Variants in CFAP221 observed in about 807,000 individuals in gnomAD.
CFAP221 encodes cilia and flagella associated protein 221.
Under a neutral mutation model 113.1 loss-of-function variants are expected in CFAP221, and 97 were observed. That is an observed-to-expected ratio of 0.86 (90% CI 0.73 to 1.02). The LOEUF is 1.02. Among genes scored for constraint, CFAP221 ranks in the 50% least tolerant of loss-of-function variants. CFAP221 has a pLI of 0.00. For synonymous variants in CFAP221, 331 were observed against 354.4 expected (o/e 0.93, Z 0.74); for missense variants, 1,025 against 1,013.4 (o/e 1.01, Z -0.16).
intron 20 of CFAP221, among the ~76,000 whole-genome samples, chr2:119,639,304 G>T (rs1325801670): frequency 6.6e-6 from 1 of 152,160 alleles, no homozygotes; most frequent in Non-Finnish European, 1.5e-5. Context: ...CTCGTGACCT[G>T]CCTGGCTCTC....
At chr2:119,656,800 G>A (rs1306162993), downstream of CFAP221, 1 of 188,348 alleles carries the variant, frequency 5.3e-6, no homozygotes, top group Non-Finnish European at 1.1e-5. Flanking sequence ...ACTGGTTTTG[G>A]GGAGGGGATG....
At chr2:119,580,739 G>A (rs183427005) in intron 6 of CFAP221, 2 of 152,304 alleles carry the variant, frequency 1.3e-5, no homozygotes, top group East Asian at 3.8e-4. Flanking sequence ...ATGCTGAGTG[G>A]GTTGCAGGGT....
chr2:119,563,110 C>T (rs1205980415), intron 6 of CFAP221, among the ~76,000 whole-genome samples: 1 of 152,158 alleles, frequency 6.6e-6, no homozygotes, highest in Non-Finnish European at 1.5e-5. Flanking sequence ...GCTGTGATCA[C>T]ACCACTACAC....
chr2:119,568,365 C>T (rs1231932816), intron 6 of CFAP221, among the ~76,000 whole-genome samples: 3 of 151,960 alleles, frequency 2.0e-5, no homozygotes, highest in Non-Finnish European at 4.4e-5. Flanking sequence ...GATACATGTG[C>T]AGGATGTGCA....
chr2:119,597,028 G>GT (rs1558945674), intron 7 of CFAP221, among the ~76,000 whole-genome samples: 3 of 152,186 alleles, frequency 2.0e-5, no homozygotes, highest in Non-Finnish European at 2.9e-5. Flanking sequence ...CGGGTCAAGT[G>GT]TAAGTTTTTC....
chr2:119,583,675 C>T (rs1683003119), intron 6 of CFAP221, among the ~76,000 whole-genome samples: 1 of 152,110 alleles, frequency 6.6e-6, no homozygotes, highest in Non-Finnish European at 1.5e-5. Flanking sequence ...ATGTTTGTTT[C>T]CCCCTCAAAA....
intron 13 of CFAP221, among the ~76,000 whole-genome samples, chr2:119,613,235 G>C (rs1851323): frequency 0.99 from 150,298 of 152,348 alleles, 74,187 homozygotes; most frequent in Non-Finnish European, 1. Context: ...GTGTCTGTGG[G>C]TTTTCCAGGT....
chr2:119,619,620 C>T (rs1271113572), intron 14 of CFAP221, among the ~76,000 whole-genome samples: 1 of 152,140 alleles, frequency 6.6e-6, no homozygotes, highest in African/African-American at 2.4e-5. Flanking sequence ...GATAAATCCA[C>T]GAAGATGAGG....
rs186651282 is a variant in CFAP221, at chr2:119,620,288, A to G, written c.1410+4579A>G. ...AAGAGCAACCCCAAGACACATAATC[A>G]TCAGATTCACCAAGGTTGAAATGAA... On this transcript the variant is annotated intron_variant, in intron 14 of 23. Coordinates refer to ENST00000413369, the MANE Select transcript of CFAP221 (RefSeq NM_001271049.2). 7.4e-4 allele frequency among the ~76,000 whole-genome samples: 113 copies of G among 152,272 alleles called. 2 individuals carry two copies. Among genetic ancestry groups the G allele is most frequent in the African/African-American group, 2.6e-3 (106 of 41,562 alleles).
chr2:119,628,935 A>T (rs1686565450), intron 16 of CFAP221, among the ~76,000 whole-genome samples: 1 of 152,200 alleles, frequency 6.6e-6, no homozygotes, highest in Non-Finnish European at 1.5e-5. Flanking sequence ...TTTTTGAATA[A>T]TTTGAAGCTG....
At chr2:119,558,131 C>T (rs1046327504) in intron 3 of CFAP221, among the ~76,000 whole-genome samples, 1 of 152,166 alleles carries the variant, frequency 6.6e-6, no homozygotes, top group African/African-American at 2.4e-5. Context: ...ACTTCCAGCT[C>T]TTCCTGGACT....
intron 15 of CFAP221, among the ~76,000 whole-genome samples, chr2:119,626,531 A>G (rs942748225): frequency 1.3e-5 from 2 of 152,086 alleles, no homozygotes; most frequent in Non-Finnish European, 2.9e-5. Flanking sequence ...TAGGGTAGTC[A>G]TCATTTATAC....
intron 14 of CFAP221, among the ~76,000 whole-genome samples, chr2:119,622,967 GA>G (rs1686044896): frequency 6.6e-6 from 1 of 152,198 alleles, no homozygotes; most frequent in Non-Finnish European, 1.5e-5. Flanking sequence ...ACAAGACAAG[GA>G]TGCCCTCTCT....
chr2:119,592,338 A>G (rs1162947635), intron 7 of CFAP221, among the ~76,000 whole-genome samples: 2 of 152,218 alleles, frequency 1.3e-5, no homozygotes, highest in Non-Finnish European at 2.9e-5. Context: ...AAAAGAGATA[A>G]TGAAGGCATT....
intron 19 of CFAP221, among the ~76,000 whole-genome samples, chr2:119,631,452 C>A (rs563920814): frequency 1.3e-5 from 2 of 152,168 alleles, no homozygotes; most frequent in Non-Finnish European, 1.5e-5. Context: ...GCCGGCAGAT[C>A]ATTTGAGGTC....
chr2:119,575,277 G>A (rs1352909827), intron 6 of CFAP221, among the ~76,000 whole-genome samples: 5 of 152,018 alleles, frequency 3.3e-5, no homozygotes, highest in East Asian at 1.9e-4. Context: ...TCCTCCCCTC[G>A]ACCATGGCTT....
chr2:119,651,991 A>G lies in CFAP221; in HGVS notation c.2336A>G (p.Asn779Ser), dbSNP rs780565262. Residue 779 changes from asparagine to serine, a missense_variant, in exon 23 of 24, where the codon AAT becomes AGT. By Grantham distance (46) the Asn-to-Ser change is conservative (BLOSUM62 1). Transcript: ENST00000413369. ...ETVERELCEQ[N>S]VEVMLTPEMI... The stretch of plus-strand genomic sequence containing the variant: ...CTTTGCAGTGAGCTCTGTGAGCAGA[A>G]TGTAGAAGTTATGTTGACTCCAGAA... 4.3e-6 allele frequency: 7 copies of G among 1,612,956 alleles called. No individual in the cohort carries two copies. The highest frequency in any genetic ancestry group is 3.3e-5 in the Admixed American group (2 of 59,842).
chr2:119,628,294 G>GTGTGTGTGT (rs371675389), intron 16 of CFAP221, among the ~76,000 whole-genome samples: 23,654 of 137,342 alleles, frequency 0.17, 2,626 homozygotes, highest in East Asian at 0.22. Flanking sequence ...CTCTCTGGGG[G>GTGTGTGTGT]GTGTGTGTGT....
At chr2:119,578,837 AT>A (rs1230620401) in intron 6 of CFAP221, among the ~76,000 whole-genome samples, 3 of 152,166 alleles carry the variant, frequency 2.0e-5, no homozygotes, top group Non-Finnish European at 4.4e-5. Flanking sequence ...GATATCGGGA[AT>A]TTTTAGTTAG....
Sources: gnomAD v4.1 joint callset for allele counts (sites outside exome capture counted in the v4.1 genomes callset) on GRCh38, gnomAD v4.1.1 for gene constraint, MANE v1.5 for transcripts, NCBI Gene and HGNC (gene_info 2026-07-23, HGNC 2026-07-21) for gene names.